CNTLN: variants seen among roughly 807,000 people sequenced by gnomAD.
CNTLN encodes the protein centlein, also known as centlein, centrosomal protein.
A neutral mutation model predicts 180.0 loss-of-function variants in CNTLN; 212 were observed. The ratio of observed to expected loss-of-function variants is 1.18; its 90% CI spans 1.05 to 1.32. The LOEUF (loss-of-function observed/expected upper bound fraction) is 1.32. Among genes scored for constraint, CNTLN ranks in the 40% most tolerant of loss-of-function variants. The pLI is 0.00. For missense variants in CNTLN, 2,095 were observed against 1,610.9 expected, an observed-to-expected ratio of 1.30 and a Z score of -5.14; for synonymous variants, 722 against 563.1, an observed-to-expected ratio of 1.28 and a Z score of -3.99.
At chr9:17,220,095 G>A (rs1393730510) in intron 2 of CNTLN, among the ~76,000 whole-genome samples, 1 of 152,060 alleles carries the variant, frequency 6.6e-6, no homozygotes, top group Non-Finnish European at 1.5e-5. Context: ...CACTCTTACA[G>A]TTCTTGATTC....
chr9:17,170,152 T>C (rs1270215829), intron 2 of CNTLN, among the ~76,000 whole-genome samples: 1 of 152,188 alleles, frequency 6.6e-6, no homozygotes, highest in Admixed American at 6.5e-5. Context: ...CTGTTGTTAA[T>C]GGGATTGTTT....
At chr9:17,335,708 T>C (rs10810762) in intron 10 of CNTLN, among the ~76,000 whole-genome samples, 34,495 of 151,812 alleles carry the variant, frequency 0.23, 4,206 homozygotes, top group South Asian at 0.37. Flanking sequence ...GAGGCTGAGG[T>C]GGGTGCATAA....
the CNTLN span, among the ~76,000 whole-genome samples, chr9:17,526,957 A>C: frequency 1.3e-5 from 2 of 151,970 alleles, no homozygotes; most frequent in Admixed American, 6.6e-5. Context: ...AGCTCACTGC[A>C]ACTTCCGCCT....
In CNTLN at chr9:17,235,623, A is replaced by C. The variant is rs777035862; in HGVS notation, c.535-35A>C. The C allele has an allele frequency of 1.8e-5, 26 of 1,439,352 alleles. No individual in the cohort carries two copies. The African/African-American group carries it at 5.4e-4, about 30-fold the overall frequency. The allele number at this position is 1,439,352 out of a possible 1,614,324, so 89.2% of individuals were successfully genotyped here. On this transcript the variant is annotated intron_variant, in intron 3 of 25. Coordinates refer to ENST00000380647, the MANE Select transcript of CNTLN (RefSeq NM_017738.4). ...ATAAAATACTGTTTTTCTTAGAAAT[A>C]AAAGCTCACCAGTAATTTAAATTTT...
Position 17,305,526 on chromosome 9 carries a change from T to C in CNTLN, c.1147-3532T>C, listed in dbSNP as rs536686058. 3.9e-5 allele frequency among the ~76,000 whole-genome samples: 6 copies of C among 151,926 alleles called. No individual in the cohort carries two copies. In the South Asian group the frequency reaches 1.0e-3, roughly 26 times the overall value. ...AATTTACTCACTTGAGCACTGTTTT[T>C]TTTTTTTTAAACTCTACTCTTATTA... is the stretch of plus-strand genomic sequence containing the variant. On this transcript the variant is annotated intron_variant, in intron 7 of 25. Coordinates refer to ENST00000380647, the MANE Select transcript of CNTLN (RefSeq NM_017738.4).
intron 5 of CNTLN, among the ~76,000 whole-genome samples, chr9:17,262,122 T>A (rs1194574273): frequency 6.6e-6 from 1 of 151,554 alleles, no homozygotes; most frequent in African/African-American, 2.4e-5. Context: ...TTTACACTGA[T>A]GGTGGGAGTG....
rs188377682 is a variant in CNTLN at position 17,447,638 on chromosome 9, T to A, written c.3115-9886T>A. The A allele has an allele frequency of 1.5e-3, 235 of 153,516 alleles. 1 individual carries two copies. Among genetic ancestry groups the A allele is most frequent in the Non-Finnish European group, 2.4e-3 (165 of 68,248 alleles). 9.5% of individuals were successfully genotyped at this position (153,516 alleles called of 1,614,324 possible). A position where few individuals can be genotyped will look rare whatever the true frequency, so the allele number is the denominator to read the frequency against. ...ATCAAATATGAGTGGTTTATTCAAC[T>A]GAAGTTCAAAATCTTTGATGAAGCT... On this transcript the variant is annotated intron_variant, in intron 18 of 25. Transcript: ENST00000380647.
chr9:17,301,913 C>G (rs1818383134), intron 7 of CNTLN: 1 of 925,530 alleles, frequency 1.1e-6, no homozygotes. Flanking sequence ...TTCACTTTAA[C>G]ATTATATTTT....
At chr9:17,239,613 C>T (rs1488355083) in intron 5 of CNTLN, among the ~76,000 whole-genome samples, 1 of 152,104 alleles carries the variant, frequency 6.6e-6, no homozygotes, top group Non-Finnish European at 1.5e-5. Flanking sequence ...TCTTACATTT[C>T]ATTCTTTGAT....
intron 3 of CNTLN, among the ~76,000 whole-genome samples, chr9:17,233,873 T>C (rs1824968638): frequency 6.6e-6 from 1 of 152,088 alleles, no homozygotes; most frequent in African/African-American, 2.4e-5. Context: ...CTTTGAACTA[T>C]AAAGAAAAGC....
At chr9:17,135,533 C>T in intron 1 of CNTLN, 108 bp downstream of exon 1, 1 of 1,371,268 alleles carries the variant, frequency 7.3e-7, no homozygotes, top group South Asian at 1.5e-5. Context: ...CCCAGCGACG[C>T]TCCCTGGCAG....
chr9:17,474,572 T>C (rs1832224902), intron 23 of CNTLN, among the ~76,000 whole-genome samples: 1 of 152,144 alleles, frequency 6.6e-6, no homozygotes, highest in African/African-American at 2.4e-5. Context: ...ATGATCCTTT[T>C]AAAATGGAAA....
At chr9:17,465,285 CTT>C (rs1483771360) in intron 21 of CNTLN, among the ~76,000 whole-genome samples, 2 of 150,532 alleles carry the variant, frequency 1.3e-5, no homozygotes, top group Non-Finnish European at 3.0e-5. Context: ...AAGAAAGAAA[CTT>C]TTACATGAGC....
chr9:17,494,355 C>T (rs1383825125), intron 25 of CNTLN, among the ~76,000 whole-genome samples: 1 of 152,020 alleles, frequency 6.6e-6, no homozygotes, highest in Non-Finnish European at 1.5e-5. Flanking sequence ...GATAATGAAG[C>T]TGAAAATTTT....
intron 5 of CNTLN, among the ~76,000 whole-genome samples, chr9:17,269,021 C>A (rs990733162): frequency 1.3e-5 from 2 of 152,078 alleles, no homozygotes; most frequent in African/African-American, 4.8e-5. Flanking sequence ...CTCTGGCTAG[C>A]GCACGGTGCG....
At chr9:17,403,140 G>T (rs1827113304) in intron 15 of CNTLN, among the ~76,000 whole-genome samples, 1 of 151,730 alleles carries the variant, frequency 6.6e-6, no homozygotes, top group Admixed American at 6.6e-5. Flanking sequence ...AGGAAGGTCT[G>T]TGGGGAGGTT....
At chr9:17,179,227 G>A (rs1395590366) in intron 2 of CNTLN, among the ~76,000 whole-genome samples, 4 of 135,906 alleles carry the variant, frequency 2.9e-5, no homozygotes, top group African/African-American at 1.1e-4. Context: ...CTGGGCGACA[G>A]AGCGAGACTC....
chr9:17,365,120 G>A (rs923038418), intron 12 of CNTLN, among the ~76,000 whole-genome samples: 10 of 152,222 alleles, frequency 6.6e-5, no homozygotes, highest in Non-Finnish European at 1.0e-4. Flanking sequence ...ATTTCATGTC[G>A]CATTGTAATC....
rs149488399 is a variant in CNTLN, at chr9:17,154,395, C to T, written c.449+11019C>T. Among the ~76,000 whole-genome samples, 456 of 152,306 alleles carry T rather than the reference C, an allele frequency of 3.0e-3. 5 individuals carry two copies. The highest frequency in any genetic ancestry group is 0.01 in the African/African-American group (434 of 41,566). On this transcript the variant is annotated intron_variant, in intron 2 of 25. Transcript: ENST00000380647. ...TTCTTTTCCTTCTGACAGTCAGGCC[C>T]CTCTTCTGCAGGTGTGTTGGAGTTT...
Sources: gnomAD v4.1 joint callset for allele counts (sites outside exome capture counted in the v4.1 genomes callset) on GRCh38, gnomAD v4.1.1 for gene constraint, MANE v1.5 for transcripts, NCBI Gene and HGNC (gene_info 2026-07-23, HGNC 2026-07-21) for gene names.